The following MGAT4A variants were observed in gnomAD, a reference collection of about 807,000 sequenced individuals.
The protein encoded by MGAT4A is alpha-1,3-mannosyl-glycoprotein 4-beta-N-acetylglucosaminyltransferase A.
Under a neutral mutation model 74.1 loss-of-function variants are expected in MGAT4A, and 33 were observed. That is an observed-to-expected ratio of 0.45 (90% CI 0.34 to 0.60). MGAT4A has a LOEUF of 0.60. MGAT4A is among the 20% of genes least tolerant of loss of function. MGAT4A has a pLI of 0.02. For missense variants in MGAT4A, 479 were observed against 628.3 expected, an observed-to-expected ratio of 0.76 and a Z score of 2.54; for synonymous variants, 198 against 210.4, an observed-to-expected ratio of 0.94 and a Z score of 0.51.
At position 98,675,168 on chromosome 2, in the gene MGAT4A, G is replaced by A. The variant is rs1202719700; in HGVS notation, c.270C>T (p.Thr90=). The A allele has an allele frequency of 1.3e-6, 2 of 1,587,264 alleles. No individual in the cohort carries two copies. Among genetic ancestry groups the A allele is most frequent in the Admixed American group, 1.8e-5 (1 of 55,020 alleles). The change falls in exon 4 of 16, where the codon ACC becomes ACT. Residue 90 remains threonine (T), a synonymous_variant. Transcript: ENST00000393487. ...TTGTTAACTCCTTTAACAGCTTTAG[G>A]GTATTATCTGAAACACAGAAGTATA... ...KDALNKFSDN[T]LKLLKELTSK...
rs1289092726 is a variant in MGAT4A at position 98,624,871 on chromosome 2, T to G, written c.*695A>C. 1.0e-5 allele frequency: 10 copies of G among 984,858 alleles called. No individual in the cohort carries two copies. In the Admixed American group the frequency reaches 6.1e-4, roughly 61 times the overall value. 61.0% of individuals were successfully genotyped at this position (984,858 alleles called of 1,614,324 possible). On this transcript the variant is annotated 3_prime_UTR_variant, in exon 16 of 16. Transcript: ENST00000393487. ...TCTTTAAAATCTTGGCTTTAAGGAA[T>G]GACAAATGTCTTTGAAAATATTTTG...
In MGAT4A at chr2:98,678,249, A is replaced by AAAAATATATAT. The variant is rs67023324; in HGVS notation, c.262+54_262+55insATATATATTTT. On this transcript the variant is annotated intron_variant, in intron 3 of 15. Transcript: ENST00000393487. ...TGTCTCAAAGAAAAAAAAAAAAAAA[A>AAAAATATATAT]ATATATATATATATATATAAAATCT... The AAAAATATATAT allele has an allele frequency of 3.3e-4, 87 of 263,826 alleles. 1 individual carries two copies. Among genetic ancestry groups the AAAAATATATAT allele is most frequent in the South Asian group, 1.8e-3 (13 of 7,354 alleles). 16.3% of individuals were successfully genotyped at this position (263,826 alleles called of 1,614,324 possible).
intron 14 of MGAT4A, among the ~76,000 whole-genome samples, chr2:98,630,129 G>A (rs566627943): frequency 1.3e-5 from 2 of 152,212 alleles, no homozygotes; most frequent in Non-Finnish European, 2.9e-5. Context: ...AGTCTATATT[G>A]TAGAGAAACT....
intron 2 of MGAT4A, among the ~76,000 whole-genome samples, chr2:98,701,810 T>C (rs897258412): frequency 6.6e-6 from 1 of 152,172 alleles, no homozygotes; most frequent in African/African-American, 2.4e-5. Flanking sequence ...CATTCAAGAC[T>C]CTTCTTTTTA....
At chr2:98,650,943 A>G (rs1023767872) in intron 8 of MGAT4A, among the ~76,000 whole-genome samples, 12 of 151,870 alleles carry the variant, frequency 7.9e-5, no homozygotes, top group African/African-American at 2.9e-4. Context: ...GCAAGACTCC[A>G]TCTCAAAAAA....
intron 4 of MGAT4A, among the ~76,000 whole-genome samples, chr2:98,668,532 G>C (rs543901488): frequency 1.5e-4 from 23 of 152,352 alleles, no homozygotes; most frequent in Admixed American, 6.5e-4. Context: ...TGCTCTTATG[G>C]AGAACCTCTG....
At chr2:98,657,234 A>C (rs1701672954) in intron 6 of MGAT4A, among the ~76,000 whole-genome samples, 2 of 152,234 alleles carry the variant, frequency 1.3e-5, no homozygotes, top group Admixed American at 6.5e-5. Context: ...TCTCCACAAA[A>C]TGCTAGTGCA....
At chr2:98,660,396 A>G (rs1419195949) in intron 5 of MGAT4A, among the ~76,000 whole-genome samples, 3 of 139,874 alleles carry the variant, frequency 2.1e-5, no homozygotes, top group African/African-American at 8.1e-5. Context: ...ATATAACCAC[A>G]CACACACACA....
At position 98,688,270 on chromosome 2, in the gene MGAT4A, A is replaced by G. The variant is rs149729085; in HGVS notation, c.95-9799T>C. Among the ~76,000 whole-genome samples the G allele has an allele frequency of 1.5e-3, 227 of 152,308 alleles. 1 individual carries two copies. The highest frequency in any genetic ancestry group is 5.2e-3 in the African/African-American group (216 of 41,572). ...AAAACAAAAAAAAAGAATATAACTC[A>G]TTCTGTCTAGCAATTACCATATGAG... is the stretch of plus-strand genomic sequence containing the variant. On this transcript the variant is annotated intron_variant, in intron 2 of 15. Coordinates refer to ENST00000393487, the MANE Select transcript of MGAT4A (RefSeq NM_012214.3).
intron 1 of MGAT4A, among the ~76,000 whole-genome samples, chr2:98,730,541 C>G (rs908814124): frequency 6.6e-6 from 1 of 152,176 alleles, no homozygotes; most frequent in Admixed American, 6.5e-5. Flanking sequence ...ACCGTCCGGC[C>G]CCGCCCACCT....
chr2:98,648,497 C>T (rs779297679), intron 8 of MGAT4A, among the ~76,000 whole-genome samples: 50 of 151,428 alleles, frequency 3.3e-4, no homozygotes, highest in Non-Finnish European at 6.6e-4. Context: ...GACTATGTCT[C>T]GAACAAACAA....
chr2:98,646,255 G>A (rs2104244288), intron 8 of MGAT4A, among the ~76,000 whole-genome samples: 1 of 151,834 alleles, frequency 6.6e-6, no homozygotes, highest in Non-Finnish European at 1.5e-5. Context: ...GAAAGTCCTA[G>A]AAGCAAAAAC....
At chr2:98,625,953 G>A (rs145286551) in intron 14 of MGAT4A, 118 bp from the exon 15 acceptor site, 12 of 561,408 alleles carry the variant, frequency 2.1e-5, no homozygotes, top group African/African-American at 1.7e-4. Context: ...CTTTTGACAG[G>A]GCACAGGTAA....
At chr2:98,669,020 GA>G (rs1435955844) in intron 4 of MGAT4A, among the ~76,000 whole-genome samples, 1 of 152,204 alleles carries the variant, frequency 6.6e-6, no homozygotes, top group Non-Finnish European at 1.5e-5. Context: ...CTCATAGGTG[GA>G]AGGGACTTGC....
chr2:98,645,736 T>C (rs1701474522), intron 8 of MGAT4A, among the ~76,000 whole-genome samples, 194 bp from the exon 9 acceptor site: 1 of 152,154 alleles, frequency 6.6e-6, no homozygotes, highest in Admixed American at 6.5e-5. Flanking sequence ...ACATCGTAAG[T>C]CAACTAAGCC....
intron 8 of MGAT4A, among the ~76,000 whole-genome samples, chr2:98,650,378 A>G (rs1701558869): frequency 6.6e-6 from 1 of 152,210 alleles, no homozygotes; most frequent in African/African-American, 2.4e-5. Context: ...AGAAATGGAC[A>G]TACAAATTCA....
chr2:98,664,726 G>A (rs956866481), intron 4 of MGAT4A, among the ~76,000 whole-genome samples: 7 of 152,218 alleles, frequency 4.6e-5, no homozygotes, highest in South Asian at 2.1e-4. Context: ...TTTAACTTGC[G>A]AAAAACTGTG....
chr2:98,714,357 G>C (rs1220151543), intron 2 of MGAT4A, among the ~76,000 whole-genome samples: 2 of 152,118 alleles, frequency 1.3e-5, no homozygotes, highest in East Asian at 3.9e-4. Flanking sequence ...AAAGTGCTGG[G>C]ATTATAGGCA....
In MGAT4A at chr2:98,621,154, G is replaced by A. The variant is rs751330907; in HGVS notation, c.*4412C>T. The A allele has an allele frequency of 5.3e-4, 182 of 345,054 alleles. No homozygotes were observed. The highest frequency in any genetic ancestry group is 6.2e-4 in the Non-Finnish European group (120 of 192,900). 21.4% of individuals were successfully genotyped at this position (345,054 alleles called of 1,614,324 possible). A position where few individuals can be genotyped will look rare whatever the true frequency, so the allele number is the denominator to read the frequency against. ...AAATTTAGCAGCTTAAAACACCACT[G>A]ATTTATTATCTCATAGTTCTGTAGG... On this transcript the variant is annotated 3_prime_UTR_variant, in exon 16 of 16. Transcript: ENST00000393487.
Sources: allele counts gnomAD v4.1 joint callset (sites outside exome capture counted in the v4.1 genomes callset), GRCh38; gene constraint gnomAD v4.1.1; transcripts MANE v1.5; gene names NCBI Gene and HGNC (gene_info 2026-07-23, HGNC 2026-07-21).